The following PTPN13 variants were observed in gnomAD, a reference collection of about 807,000 sequenced individuals.
PTPN13 encodes the protein tyrosine-protein phosphatase non-receptor type 13.
In PTPN13, 191 loss-of-function variants were observed where a neutral mutation model predicts 284.0. That is an observed-to-expected ratio of 0.67 (90% CI 0.60 to 0.76). The LOEUF (loss-of-function observed/expected upper bound fraction) is 0.76, where lower values mean the gene tolerates loss of function less well. Ranked by LOEUF, PTPN13 falls within the 30% of genes least tolerant of loss-of-function variation. PTPN13 has a pLI of 0.00. For synonymous variants in PTPN13, 986 were observed against 1,022.3 expected (o/e 0.96, Z 0.68); for missense variants, 2,797 against 2,939.9 (o/e 0.95, Z 1.12).
At chr4:86,652,040 C>T (rs1324629929) in intron 2 of PTPN13, among the ~76,000 whole-genome samples, 1 of 152,164 alleles carries the variant, frequency 6.6e-6, no homozygotes, top group Non-Finnish European at 1.5e-5. Flanking sequence ...TATGATCACA[C>T]CTGTGAATAG....
At chr4:86,706,340 G>A (rs1235283441) in intron 7 of PTPN13, among the ~76,000 whole-genome samples, 1 of 152,138 alleles carries the variant, frequency 6.6e-6, no homozygotes, top group African/African-American at 2.4e-5. Context: ...TGTTGTTACT[G>A]CCTGGGACAT....
chr4:86,598,831 C>T (rs1764049808), intron 1 of PTPN13, among the ~76,000 whole-genome samples: 1 of 152,094 alleles, frequency 6.6e-6, no homozygotes, highest in Non-Finnish European at 1.5e-5. Flanking sequence ...GTGGTGTGAT[C>T]ATAGCTCACT....
Position 86,759,002 on chromosome 4 carries a change from T to G in PTPN13, c.3482T>G (p.Ile1161Ser), listed in dbSNP as rs200509814. The change falls in exon 23 of 48, where the codon ATT (isoleucine) becomes AGT (serine). Residue 1161 changes from isoleucine (I) to serine (S), a missense_variant. Ile to Ser is a moderately radical substitution (Grantham distance 142, BLOSUM62 -2). Coordinates refer to ENST00000411767, the MANE Select transcript of PTPN13 (RefSeq NM_080683.3). ...GAGGGAGTCAGCCACCATGCTGCAA[T>G]TGAAATTTTGCAAAATGCACCTGAA... is the stretch of plus-strand genomic sequence containing the variant. The part of the protein sequence containing the change: ...SLEGVSHHAA[I>S]EILQNAPEDV... 51 of 1,613,610 alleles carry G rather than the reference T, an allele frequency of 3.2e-5. No homozygotes were observed. The highest frequency in any genetic ancestry group is 4.3e-5 in the Non-Finnish European group (51 of 1,179,712).
chr4:86,725,158 T>C (rs191342171), intron 10 of PTPN13, among the ~76,000 whole-genome samples: 1 of 151,994 alleles, frequency 6.6e-6, no homozygotes, highest in East Asian at 1.9e-4. Context: ...CATCCTGTTT[T>C]ATGGCTGCAT....
intron 15 of PTPN13, among the ~76,000 whole-genome samples, chr4:86,738,969 C>G (rs932364112): frequency 6.6e-6 from 1 of 152,212 alleles, no homozygotes; most frequent in South Asian, 2.1e-4. Flanking sequence ...GCATAAGCCA[C>G]TGTGCCAGCC....
chr4:86,665,753 G>A (rs1213322338), intron 2 of PTPN13, among the ~76,000 whole-genome samples: 4 of 152,006 alleles, frequency 2.6e-5, no homozygotes, highest in African/African-American at 9.7e-5. Context: ...ATCTAGAATA[G>A]AACGGTTTGA....
chr4:86,789,951 T>A (rs1742431414), intron 40 of PTPN13, among the ~76,000 whole-genome samples: 1 of 151,930 alleles, frequency 6.6e-6, no homozygotes, highest in Non-Finnish European at 1.5e-5. Flanking sequence ...CACTGTAACT[T>A]ATTTCTAATT....
chr4:86,757,911 T>C (rs1325021011), intron 20 of PTPN13, among the ~76,000 whole-genome samples: 1 of 152,184 alleles, frequency 6.6e-6, no homozygotes, highest in East Asian at 1.9e-4. Context: ...GAGTTGATTA[T>C]GGTGTAACAA....
chr4:86,712,658 G>A (rs1036513061), intron 7 of PTPN13, among the ~76,000 whole-genome samples: 2 of 152,020 alleles, frequency 1.3e-5, no homozygotes, highest in South Asian at 4.1e-4. Flanking sequence ...TTGTGTTTTG[G>A]AGTACCAGTG....
chr4:86,688,875 A>G, intron 4 of PTPN13, 130 bp from the exon 5 acceptor site: 1 of 621,150 alleles, frequency 1.6e-6, no homozygotes, highest in Non-Finnish European at 2.6e-6. Context: ...GCTGATAAAA[A>G]GGAATTTATT....
At chr4:86,708,139 T>C (rs925598155) in intron 7 of PTPN13, among the ~76,000 whole-genome samples, 1 of 152,144 alleles carries the variant, frequency 6.6e-6, no homozygotes, top group Non-Finnish European at 1.5e-5. Flanking sequence ...ACTTGCAATG[T>C]AGGTAGTGCA....
intron 36 of PTPN13, among the ~76,000 whole-genome samples, chr4:86,780,927 A>G (rs1423942680): frequency 6.6e-6 from 1 of 152,038 alleles, no homozygotes; most frequent in Non-Finnish European, 1.5e-5. Context: ...AATTATAGTG[A>G]CAGCAGCTCA....
At chr4:86,813,237 A>G (rs1439931494) in intron 47 of PTPN13, among the ~76,000 whole-genome samples, 3 of 152,200 alleles carry the variant, frequency 2.0e-5, no homozygotes, top group African/African-American at 7.2e-5. Flanking sequence ...GCTATTTTAA[A>G]TGAGATTCAA....
At chr4:86,661,863 A>T (rs1045811505) in intron 2 of PTPN13, among the ~76,000 whole-genome samples, 2 of 152,192 alleles carry the variant, frequency 1.3e-5, no homozygotes, top group African/African-American at 4.8e-5. Context: ...AAGTAAAATG[A>T]AATCACTGAG....
intron 1 of PTPN13, among the ~76,000 whole-genome samples, chr4:86,623,852 C>T (rs889118023): frequency 1.3e-5 from 2 of 152,028 alleles, no homozygotes; most frequent in Non-Finnish European, 2.9e-5. Flanking sequence ...CCTGCTATTC[C>T]CTAGGCCTCC....
At chr4:86,812,386 C>T (rs987279337) in intron 47 of PTPN13, among the ~76,000 whole-genome samples, 6 of 150,938 alleles carry the variant, frequency 4.0e-5, no homozygotes, top group Admixed American at 4.0e-4. Flanking sequence ...AAGATCCTTG[C>T]TAGAATAACA....
intron 2 of PTPN13, among the ~76,000 whole-genome samples, chr4:86,652,561 A>G (rs1016855792): frequency 6.6e-6 from 1 of 152,144 alleles, no homozygotes; most frequent in Non-Finnish European, 1.5e-5. Flanking sequence ...TTTTTCCTTC[A>G]GCATTTTGAA....
In PTPN13 at chr4:86,678,940, C is replaced by A. The variant is rs543604562; in HGVS notation, c.294+6397C>A. Among the ~76,000 whole-genome samples the A allele has an allele frequency of 1.9e-4, 29 of 152,288 alleles. No homozygotes were observed. The Middle Eastern group carries it at 0.01, about 54-fold the overall frequency. ...GCTAGTTCATTCTGTAAAGTACAGT[C>A]TGCATTTTTGAAAACCCATATATAA... On this transcript the variant is annotated intron_variant, in intron 3 of 47. Coordinates refer to ENST00000411767, the MANE Select transcript of PTPN13 (RefSeq NM_080683.3).
At chr4:86,791,051 C>T (rs903426446) in intron 40 of PTPN13, among the ~76,000 whole-genome samples, 4 of 152,064 alleles carry the variant, frequency 2.6e-5, no homozygotes, top group African/African-American at 7.2e-5. Flanking sequence ...TCGCCTCACA[C>T]GGGAAGCACA....
Sources: allele counts gnomAD v4.1 joint callset (sites outside exome capture counted in the v4.1 genomes callset), GRCh38; gene constraint gnomAD v4.1.1; transcripts MANE v1.5; gene names NCBI Gene and HGNC (gene_info 2026-07-23, HGNC 2026-07-21).